NMI: variants seen among roughly 807,000 people sequenced by gnomAD.
The protein encoded by NMI is N-myc-interactor.
NMI carries 39 observed loss-of-function variants against 34.3 expected under a neutral mutation model. The observed-to-expected ratio is 1.14, with a 90% CI of 0.88 to 1.49. The LOEUF (loss-of-function observed/expected upper bound fraction) is 1.49. Among genes scored for constraint, NMI ranks in the 40% most tolerant of loss-of-function variants. The pLI is 0.00. For synonymous variants in NMI, 113 were observed against 120.3 expected (o/e 0.94, Z 0.40); for missense variants, 339 against 358.1 (o/e 0.95, Z 0.43).
At chr2:151,284,240 T>G (rs555930120) in intron 1 of NMI, among the ~76,000 whole-genome samples, 96 of 152,136 alleles carry the variant, frequency 6.3e-4, no homozygotes, top group Non-Finnish European at 1.1e-3. Flanking sequence ...GTGCCTATAA[T>G]CCCAGTCATA....
chr2:151,273,881 G>T (rs1428249423), intron 6 of NMI, among the ~76,000 whole-genome samples: 1 of 152,128 alleles, frequency 6.6e-6, no homozygotes, highest in African/African-American at 2.4e-5. Context: ...ATGAATATAT[G>T]AATTTGGCAA....
At chr2:151,279,088 A>G in intron 3 of NMI, 98 bp from the exon 4 acceptor site, 1 of 770,298 alleles carries the variant, frequency 1.3e-6, no homozygotes, top group Non-Finnish European at 2.1e-6. Flanking sequence ...TTCATTCCCC[A>G]CTAATTTTAG....
chr2:151,287,655 G>A (rs558359203), intron 1 of NMI, among the ~76,000 whole-genome samples: 78 of 152,156 alleles, frequency 5.1e-4, no homozygotes, highest in Admixed American at 4.1e-3. Context: ...CCCAAAGGAT[G>A]TTACTCCCCC....
chr2:151,280,789 A>C (rs1573745840), intron 3 of NMI, among the ~76,000 whole-genome samples: 1 of 151,932 alleles, frequency 6.6e-6, no homozygotes, highest in Non-Finnish European at 1.5e-5. Flanking sequence ...AGAAAACCTC[A>C]CTTCCTGATA....
intron 6 of NMI, among the ~76,000 whole-genome samples, chr2:151,273,904 A>G (rs1683233296): frequency 6.6e-6 from 1 of 152,220 alleles, no homozygotes; most frequent in Non-Finnish European, 1.5e-5. Context: ...TAAAATCTGG[A>G]TGCTTGACTA....
intron 2 of NMI, 38 bp downstream of exon 2, chr2:151,282,830 A>G (rs1197051562): frequency 1.9e-6 from 2 of 1,077,722 alleles, no homozygotes; most frequent in Non-Finnish European, 2.7e-6. Flanking sequence ...AATAGATATA[A>G]AATAATTTTT....
Position 151,284,405 on chromosome 2 carries a change from C to T in NMI, c.-6-1451G>A, listed in dbSNP as rs573170136. ...CCTCAACATCCCTGACTCAAGTGAT[C>T]CTCCCACCTCAGCCCCCCAAGTAGT... is the stretch of plus-strand genomic sequence containing the variant. On this transcript the variant is annotated intron_variant, in intron 1 of 7. Transcript: ENST00000243346. Among the ~76,000 whole-genome samples, 165 of 152,028 alleles carry T rather than the reference C, an allele frequency of 1.1e-3. 1 individual carries two copies. The highest frequency in any genetic ancestry group is 1.6e-3 in the Admixed American group (25 of 15,270).
At chr2:151,274,344 CAAAAAAAAAA>C (rs773276443) in intron 6 of NMI, among the ~76,000 whole-genome samples, 3 of 54,672 alleles carry the variant, frequency 5.5e-5, no homozygotes, top group African/African-American at 1.4e-4. Flanking sequence ...CTCTGTCTCA[CAAAAAAAAAA>C]AAAAAAAAAA....
intron 4 of NMI, chr2:151,277,806 G>C (rs986868705): frequency 6.6e-6 from 1 of 152,134 alleles, no homozygotes; most frequent in Non-Finnish European, 1.5e-5. Flanking sequence ...GTTATAGACT[G>C]TCAGAATATG....
In NMI at chr2:151,270,657, G is replaced by C. The variant is rs748101191; in HGVS notation, c.*36C>G. 3 of 1,508,202 alleles carry C rather than the reference G, an allele frequency of 2.0e-6. No homozygotes were observed. The highest frequency in any genetic ancestry group is 2.0e-5 in the Admixed American group (1 of 50,326). The allele number at this position is 1,508,202 out of a possible 1,614,324, so 93.4% of individuals were successfully genotyped here. A position where few individuals can be genotyped will look rare whatever the true frequency, so the allele number is the denominator to read the frequency against. ...TTTGTCAAACATTTACAGTAATCCG[G>C]GTTAAAAAGCTATAGTTTTCATGAT... On this transcript the variant is annotated 3_prime_UTR_variant, in exon 8 of 8. Coordinates refer to ENST00000243346, the MANE Select transcript of NMI (RefSeq NM_004688.3).
At chr2:151,273,992 C>G (rs1227442376) in intron 6 of NMI, among the ~76,000 whole-genome samples, 1 of 152,088 alleles carries the variant, frequency 6.6e-6, no homozygotes, top group Non-Finnish European at 1.5e-5. Flanking sequence ...CCTTTTATAG[C>G]TCTCCCTGAC....
chr2:151,271,099 AG>A (rs548023809), intron 7 of NMI, among the ~76,000 whole-genome samples: 2 of 152,340 alleles, frequency 1.3e-5, no homozygotes, highest in Admixed American at 6.5e-5. Flanking sequence ...CTCTGGGAAC[AG>A]AAAGACCAGG....
Position 151,278,882 on chromosome 2 carries a change from C to G in NMI, c.286G>C (p.Val96Leu), listed in dbSNP as rs770769882. 20 of 1,613,478 alleles carry G rather than the reference C, an allele frequency of 1.2e-5. No individual in the cohort carries two copies. Among genetic ancestry groups the G allele is most frequent in the Non-Finnish European group, 1.6e-5 (19 of 1,179,732 alleles). ...ISCSFQVSSK[V>L]PYEIQKGQAL... ...TGTCCTTTTTGTATCTCATAAGGAA[C>G]TTTCGAGCTCACTTGAAACGAACAG... is the stretch of plus-strand genomic sequence containing the variant. Residue 96 changes from valine to leucine, a missense_variant, in exon 4 of 8, where the codon GTT becomes CTT. Physicochemically the swap from Val to Leu is conservative, Grantham distance 32. Transcript: ENST00000243346.
chr2:151,275,235 C>T (rs961350171), intron 6 of NMI, among the ~76,000 whole-genome samples: 1 of 151,706 alleles, frequency 6.6e-6, no homozygotes, highest in South Asian at 2.1e-4. Flanking sequence ...CGCCTGCCTC[C>T]GCCTCCCAAA....
At chr2:151,277,051 C>G (rs1452128465) in intron 4 of NMI, among the ~76,000 whole-genome samples, 1 of 152,114 alleles carries the variant, frequency 6.6e-6, no homozygotes, top group Non-Finnish European at 1.5e-5. Context: ...GGCTGCTATT[C>G]CAATGTATCA....
chr2:151,286,031 G>A (rs1683489684), intron 1 of NMI, among the ~76,000 whole-genome samples: 1 of 152,108 alleles, frequency 6.6e-6, no homozygotes, highest in Admixed American at 6.5e-5. Flanking sequence ...TTTTGATGAA[G>A]AAAGGAATTT....
At position 151,288,663 on chromosome 2, in the gene NMI, G is replaced by A. The variant is rs137931576; in HGVS notation, c.-7+930C>T. On this transcript the variant is annotated intron_variant, in intron 1 of 7. Coordinates refer to ENST00000243346, the MANE Select transcript of NMI (RefSeq NM_004688.3). ...GTTATGGCAGCGAATTAAAAAAACT[G>A]ATACAAATCAACATCACCGTATTTC... is the stretch of plus-strand genomic sequence containing the variant. Among the ~76,000 whole-genome samples, 46 of 152,264 alleles carry A rather than the reference G, an allele frequency of 3.0e-4. 1 individual carries two copies. The East Asian group carries it at 5.8e-3, about 19-fold the overall frequency.
chr2:151,284,370 C>A (rs1018474386), intron 1 of NMI, among the ~76,000 whole-genome samples: 3 of 152,094 alleles, frequency 2.0e-5, no homozygotes, highest in African/African-American at 7.2e-5. Context: ...ATGAACACGG[C>A]TCACTGCAGC....
rs757269285 is a variant in NMI, at chr2:151,278,827, C to G, written c.340+1G>C. ...GTCATATTTTTTAACATTAGTCATA[C>G]CTTCTTCTTTTTCAAAGGTGATAAG... is the stretch of plus-strand genomic sequence containing the variant. On this transcript the variant is annotated splice_donor_variant, in intron 4 of 7. Transcript: ENST00000243346. LOFTEE classifies it high-confidence loss of function. 2 of 1,611,324 alleles carry G rather than the reference C, an allele frequency of 1.2e-6. No individual in the cohort carries two copies. The highest frequency in any genetic ancestry group is 1.7e-5 in the Admixed American group (1 of 59,920).
Sources: allele counts gnomAD v4.1 joint callset (sites outside exome capture counted in the v4.1 genomes callset), GRCh38; gene constraint gnomAD v4.1.1; transcripts MANE v1.5; gene names NCBI Gene and HGNC (gene_info 2026-07-23, HGNC 2026-07-21).